The following DPH6 variants were observed in gnomAD, a reference collection of about 807,000 sequenced individuals.
DPH6 encodes diphthamine biosynthesis 6.
Under a neutral mutation model 38.2 loss-of-function variants are expected in DPH6, and 33 were observed. The ratio of observed to expected loss-of-function variants is 0.86; its 90% CI spans 0.65 to 1.15. The LOEUF (loss-of-function observed/expected upper bound fraction) is 1.15, where lower values mean the gene tolerates loss of function less well. Ranked by LOEUF, DPH6 falls within the 50% of genes most tolerant of loss-of-function variation. The pLI, the probability that DPH6 is intolerant of heterozygous loss-of-function variation, is 0.00. For synonymous variants in DPH6, 108 were observed against 103.0 expected (o/e 1.05, Z -0.30); for missense variants, 325 against 320.0 (o/e 1.02, Z -0.12).
chr15:35,512,891 A>T (rs1365782728), intron 3 of DPH6, among the ~76,000 whole-genome samples: 1 of 152,138 alleles, frequency 6.6e-6, no homozygotes, highest in Non-Finnish European at 1.5e-5. Context: ...TTAACTTTTT[A>T]AAATGTAGAC....
chr15:35,369,784 A>G (rs977905254), downstream of DPH6, among the ~76,000 whole-genome samples: 5 of 151,886 alleles, frequency 3.3e-5, no homozygotes, highest in South Asian at 2.1e-4. Context: ...AAAAGACTCA[A>G]TATCGTCATG....
At chr15:35,294,414 G>A (rs2052000715) in intron 3 of DPH6, among the ~76,000 whole-genome samples, 5 of 152,168 alleles carry the variant, frequency 3.3e-5, no homozygotes, top group Admixed American at 3.3e-4. Flanking sequence ...CAGACAGTAG[G>A]TTTGTAGTAT....
chr15:35,357,750 G>T (rs1252275101), intron 3 of DPH6, among the ~76,000 whole-genome samples: 10 of 152,192 alleles, frequency 6.6e-5, no homozygotes, highest in Admixed American at 6.5e-4. Context: ...TGAGAAATCT[G>T]CTGTTAATCT....
At chr15:35,398,683 C>A (rs899685158) in intron 6 of DPH6, among the ~76,000 whole-genome samples, 1 of 152,154 alleles carries the variant, frequency 6.6e-6, no homozygotes, top group Non-Finnish European at 1.5e-5. Flanking sequence ...GCTGTTCTAG[C>A]AAATTAACAG....
chr15:35,275,853 T>C lies in DPH6; in HGVS notation n.201-55271A>G, dbSNP rs1032921838. ...GTTTCTTTATCCACTTGTTGATTGATGGCCATTGGATTAGTTTCACATTTT... is the reference window on the plus strand; with the variant it reads ...GTTTCTTTATCCACTTGTTGATTGACGGCCATTGGATTAGTTTCACATTTT... On this transcript the variant is annotated intron_variant and non_coding_transcript_variant, in intron 3 of 3. Coordinates refer to the DPH6 transcript ENST00000560386. 3.9e-5 allele frequency among the ~76,000 whole-genome samples: 6 copies of C among 152,348 alleles called. No individual in the cohort carries two copies. In the South Asian group the frequency reaches 6.2e-4, roughly 16 times the overall value.
intron 5 of DPH6, among the ~76,000 whole-genome samples, chr15:35,431,141 T>C (rs1209055030): frequency 6.6e-6 from 1 of 152,240 alleles, no homozygotes; most frequent in East Asian, 1.9e-4. Flanking sequence ...AGATTCTTCT[T>C]TGTCAAACAG....
At chr15:35,496,031 C>G (rs1264148435) in intron 3 of DPH6, among the ~76,000 whole-genome samples, 1 of 152,176 alleles carries the variant, frequency 6.6e-6, no homozygotes, top group Non-Finnish European at 1.5e-5. Flanking sequence ...TAGCTCACAT[C>G]ATACACAAAT....
At chr15:35,541,189 T>C (rs1332050092) in intron 2 of DPH6, among the ~76,000 whole-genome samples, 1 of 152,076 alleles carries the variant, frequency 6.6e-6, no homozygotes, top group Non-Finnish European at 1.5e-5. Flanking sequence ...CATTTCTTCC[T>C]ATAAAATATT....
At chr15:35,333,496 T>C (rs2052343545) in intron 3 of DPH6, among the ~76,000 whole-genome samples, 1 of 152,162 alleles carries the variant, frequency 6.6e-6, no homozygotes. Context: ...AGTAATAGGC[T>C]AGCACAATTA....
chr15:35,478,404 CAA>C (rs1491468406), intron 3 of DPH6, among the ~76,000 whole-genome samples: 3,066 of 136,300 alleles, frequency 0.022, 94 homozygotes, highest in African/African-American at 0.071. Context: ...CACACACACA[CAA>C]AGATTGTAAA....
chr15:35,181,492 A>AT, the DPH6 span, among the ~76,000 whole-genome samples: 1 of 147,852 alleles, frequency 6.8e-6, no homozygotes. Flanking sequence ...AAAAAAAAAA[A>AT]ATTATCTTTT....
the DPH6 span, among the ~76,000 whole-genome samples, chr15:35,204,027 T>C: frequency 4.6e-5 from 7 of 151,780 alleles, no homozygotes; most frequent in Non-Finnish European, 8.9e-5. Flanking sequence ...CACTTTTATT[T>C]ATTTTTCTCT....
chr15:35,289,250 T>A (rs1475556937), intron 3 of DPH6, among the ~76,000 whole-genome samples: 1 of 152,190 alleles, frequency 6.6e-6, no homozygotes, highest in Non-Finnish European at 1.5e-5. Flanking sequence ...AAGCTTAAGG[T>A]TTCCGTGCTA....
rs1366230559 is a variant in DPH6 at position 35,473,090 on chromosome 15, T to C, written c.313-18270A>G. On this transcript the variant is annotated intron_variant, in intron 3 of 8. Coordinates refer to ENST00000256538, the MANE Select transcript of DPH6 (RefSeq NM_080650.4). Reference sequence around the variant, plus strand: ...GCCTATACTCAATATGAAAACTTAGTGGGAGCAATCTCTAAGATGCTCGGT... The same window carrying C: ...GCCTATACTCAATATGAAAACTTAGCGGGAGCAATCTCTAAGATGCTCGGT... Among the ~76,000 whole-genome samples, 7 of 152,110 alleles carry C rather than the reference T, an allele frequency of 4.6e-5. No individual in the cohort carries two copies. The East Asian group carries it at 9.6e-4, about 21-fold the overall frequency.
chr15:35,162,413 G>A, the DPH6 span, among the ~76,000 whole-genome samples: 2 of 151,830 alleles, frequency 1.3e-5, no homozygotes, highest in East Asian at 3.9e-4. Context: ...TATTTTCTCT[G>A]TTCTAGCTGC....
At chr15:35,545,837 G>A (rs1209630532) in intron 1 of DPH6, among the ~76,000 whole-genome samples, 3 of 152,120 alleles carry the variant, frequency 2.0e-5, no homozygotes, top group Admixed American at 2.0e-4. Flanking sequence ...GGGCCCAGGC[G>A]TCGGTACTTT....
At chr15:35,318,118 T>A (rs534945474) in intron 3 of DPH6, among the ~76,000 whole-genome samples, 35 of 152,100 alleles carry the variant, frequency 2.3e-4, no homozygotes, top group Non-Finnish European at 4.6e-4. Flanking sequence ...CAAACTGGAT[T>A]AAAAGTACAA....
rs1194486576 is a variant in DPH6 at position 35,410,950 on chromosome 15, G to T, written c.506-54C>A. On this transcript the variant is annotated intron_variant, in intron 5 of 8. Transcript: ENST00000256538. The stretch of plus-strand genomic sequence containing the variant: ...ATAACTATCAGATAGGAACTTTAAA[G>T]ACACATTCCCCTTCCCTTGGCCCCT... 2.6e-6 allele frequency: 4 copies of T among 1,518,700 alleles called. No homozygotes were observed. The African/African-American group carries it at 5.6e-5, about 21-fold the overall frequency. The allele number at this position is 1,518,700 out of a possible 1,614,324, so 94.1% of individuals were successfully genotyped here.
intron 2 of DPH6, among the ~76,000 whole-genome samples, chr15:35,539,799 C>A (rs2055225217): frequency 6.6e-6 from 1 of 151,870 alleles, no homozygotes; most frequent in Non-Finnish European, 1.5e-5. Flanking sequence ...GTGCAAGGGC[C>A]CCTTCAACAA....
Sources: allele counts gnomAD v4.1 joint callset (sites outside exome capture counted in the v4.1 genomes callset), GRCh38; gene constraint gnomAD v4.1.1; transcripts MANE v1.5; gene names NCBI Gene and HGNC (gene_info 2026-07-23, HGNC 2026-07-21).